The following MEIKIN variants were observed in gnomAD, a reference collection of about 807,000 sequenced individuals.
MEIKIN encodes the protein meiotic kinetochore factor.
chr5:131,846,963 G>C (rs1750033045), intron 11 of MEIKIN, among the ~76,000 whole-genome samples: 1 of 152,068 alleles, frequency 6.6e-6, no homozygotes, highest in Non-Finnish European at 1.5e-5. Flanking sequence ...CATAACTTTA[G>C]ACTGCTAAAT....
intron 11 of MEIKIN, among the ~76,000 whole-genome samples, chr5:131,834,899 A>G (rs955418201): frequency 6.6e-6 from 1 of 151,896 alleles, no homozygotes; most frequent in Non-Finnish European, 1.5e-5. Context: ...AATGATACCA[A>G]TTTAAATTCA....
intron 12 of MEIKIN, among the ~76,000 whole-genome samples, chr5:131,807,792 C>G (rs1303521353): frequency 6.6e-6 from 1 of 152,252 alleles, no homozygotes; most frequent in Middle Eastern, 3.2e-3. Flanking sequence ...CTAGTTAACA[C>G]TGCCACTTTC....
intron 9 of MEIKIN, among the ~76,000 whole-genome samples, chr5:131,869,818 G>A (rs903454714): frequency 6.6e-6 from 1 of 152,202 alleles, no homozygotes. Context: ...CCTGGCAATG[G>A]TTCCCATGGA....
intron 7 of MEIKIN, among the ~76,000 whole-genome samples, chr5:131,915,813 AT>A (rs1281777708): frequency 2.0e-5 from 3 of 152,164 alleles, no homozygotes; most frequent in Non-Finnish European, 2.9e-5. Context: ...AAAAAAAAAA[AT>A]AAATGAAGCT....
intron 8 of MEIKIN, among the ~76,000 whole-genome samples, chr5:131,906,764 A>C (rs1751249859): frequency 6.6e-6 from 1 of 152,162 alleles, no homozygotes; most frequent in African/African-American, 2.4e-5. Context: ...CTAATACAGG[A>C]ACAGAAAACC....
At chr5:131,884,388 T>A (rs997476578) in intron 8 of MEIKIN, among the ~76,000 whole-genome samples, 12 of 151,938 alleles carry the variant, frequency 7.9e-5, no homozygotes, top group African/African-American at 2.9e-4. Context: ...GGAAGAGCAG[T>A]AAGGCTCTGG....
intron 9 of MEIKIN, among the ~76,000 whole-genome samples, chr5:131,871,506 G>T (rs915777431): frequency 2.0e-5 from 3 of 152,226 alleles, no homozygotes; most frequent in African/African-American, 2.4e-5. Context: ...TGGGAAGCTC[G>T]AACTGGGTGG....
chr5:131,863,113 T>C (rs962388757), intron 9 of MEIKIN, among the ~76,000 whole-genome samples: 1 of 152,188 alleles, frequency 6.6e-6, no homozygotes, highest in Non-Finnish European at 1.5e-5. Flanking sequence ...CCTCTTGGTA[T>C]TGATTTCTAA....
intron 8 of MEIKIN, among the ~76,000 whole-genome samples, chr5:131,889,861 C>A (rs1037437456): frequency 6.6e-6 from 1 of 152,106 alleles, no homozygotes; most frequent in African/African-American, 2.4e-5. Context: ...TCATAGATAG[C>A]TTTTATTATT....
chr5:131,826,868 T>A (rs749725774), intron 11 of MEIKIN, among the ~76,000 whole-genome samples: 1 of 152,210 alleles, frequency 6.6e-6, no homozygotes, highest in Non-Finnish European at 1.5e-5. Context: ...CTTTTCTTTA[T>A]AAATTACCTG....
chr5:131,939,253 CA>C (rs1248392569), intron 4 of MEIKIN, among the ~76,000 whole-genome samples: 4 of 151,996 alleles, frequency 2.6e-5, no homozygotes, highest in African/African-American at 9.7e-5. Flanking sequence ...TTGAAGATTC[CA>C]AAAAATCTTA....
At chr5:131,919,344 C>T (rs1007516780) in intron 6 of MEIKIN, among the ~76,000 whole-genome samples, 2 of 152,150 alleles carry the variant, frequency 1.3e-5, no homozygotes, top group East Asian at 1.9e-4. Context: ...GATATATGCA[C>T]TTACCTTTTG....
intron 8 of MEIKIN, among the ~76,000 whole-genome samples, chr5:131,899,606 T>G (rs73259947): frequency 0.017 from 2,499 of 147,872 alleles, 54 homozygotes; most frequent in African/African-American, 0.055. Context: ...ACTTCACCTA[T>G]AAAGACACAC....
intron 5 of MEIKIN, among the ~76,000 whole-genome samples, chr5:131,932,888 A>AT (rs1293458740): frequency 1.3e-5 from 2 of 152,178 alleles, no homozygotes; most frequent in Non-Finnish European, 2.9e-5. Flanking sequence ...TTTCTGGGGT[A>AT]TTCACATTGT....
chr5:131,870,279 T>C (rs1404372174), intron 9 of MEIKIN, among the ~76,000 whole-genome samples: 4 of 152,178 alleles, frequency 2.6e-5, no homozygotes. Flanking sequence ...TTTATAATAC[T>C]GGACCTTCAA....
intron 9 of MEIKIN, among the ~76,000 whole-genome samples, chr5:131,874,661 CTGA>C (rs1750578282): frequency 6.6e-6 from 1 of 152,276 alleles, no homozygotes; most frequent in Admixed American, 6.5e-5. Flanking sequence ...CAGCATCATC[CTGA>C]TACCAAAGTC....
At chr5:131,868,947 C>T (rs1442857188) in intron 9 of MEIKIN, among the ~76,000 whole-genome samples, 1 of 152,194 alleles carries the variant, frequency 6.6e-6, no homozygotes, top group African/African-American at 2.4e-5. Flanking sequence ...ATTATCTTGA[C>T]ATTGTCCTTC....
At chr5:131,878,020 G>T (rs1214268547) in intron 9 of MEIKIN, among the ~76,000 whole-genome samples, 1 of 152,154 alleles carries the variant, frequency 6.6e-6, no homozygotes, top group Non-Finnish European at 1.5e-5. Flanking sequence ...CTCAGTAGCT[G>T]TTTCAGTTAT....
chr5:131,882,296 T>C (rs1750713438), intron 8 of MEIKIN, among the ~76,000 whole-genome samples: 1 of 152,194 alleles, frequency 6.6e-6, no homozygotes, highest in Non-Finnish European at 1.5e-5. Flanking sequence ...TCTGAGTCTT[T>C]GGAACTTAGA....
Sources: allele counts gnomAD v4.1 joint callset (sites outside exome capture counted in the v4.1 genomes callset), GRCh38; gene constraint gnomAD v4.1.1; transcripts MANE v1.5; gene names NCBI Gene and HGNC (gene_info 2026-07-23, HGNC 2026-07-21).